HS3ST2: variants seen among roughly 807,000 people sequenced by gnomAD.
HS3ST2 encodes the protein heparan sulfate glucosamine 3-O-sulfotransferase 2.
Under a neutral mutation model 26.3 loss-of-function variants are expected in HS3ST2, and 17 were observed. The observed-to-expected ratio is 0.65, with a 90% CI of 0.44 to 0.97. The LOEUF is 0.97. HS3ST2 is among the 50% of genes least tolerant of loss of function. The pLI, the probability that HS3ST2 is intolerant of heterozygous loss-of-function variation, is 0.00. For missense variants in HS3ST2, 402 were observed against 501.2 expected (o/e 0.80, Z 1.89); for synonymous variants, 237 against 219.2 (o/e 1.08, Z -0.72).
intron 1 of HS3ST2, among the ~76,000 whole-genome samples, chr16:22,863,119 G>C (rs116935209): frequency 1.3e-5 from 2 of 152,160 alleles, no homozygotes; most frequent in East Asian, 3.9e-4. Flanking sequence ...TGGATTTTCT[G>C]GTAGCCTCAC....
At chr16:22,888,532 G>A (rs577443162) in intron 1 of HS3ST2, among the ~76,000 whole-genome samples, 11 of 151,912 alleles carry the variant, frequency 7.2e-5, no homozygotes, top group African/African-American at 2.2e-4. Context: ...GATTACAGGC[G>A]TGTGTCACCA....
rs2141170572 is a variant in HS3ST2, at chr16:22,814,603, A to G, written c.-8A>G. ...AAACCATGACCCCCGGCGCGGGCCC[A>G]TGGAGCCATGGCCTATAGGGTCCTG... On this transcript the variant is annotated 5_prime_UTR_variant, in exon 1 of 2. An upstream start codon of the reference 5' UTR is lost. Coordinates refer to ENST00000261374, the MANE Select transcript of HS3ST2 (RefSeq NM_006043.2). 1.3e-6 allele frequency: 2 copies of G among 1,523,356 alleles called. No homozygotes were observed. Among genetic ancestry groups the G allele is most frequent in the Non-Finnish European group, 8.8e-7 (1 of 1,138,204 alleles). The allele number at this position is 1,523,356 out of a possible 1,614,324, so 94.4% of individuals were successfully genotyped here.
In HS3ST2 at chr16:22,904,980, T is replaced by C. The variant is rs556237773; in HGVS notation, c.486-9964T>C. Among the ~76,000 whole-genome samples, 7 of 151,982 alleles carry C rather than the reference T, an allele frequency of 4.6e-5. No individual in the cohort carries two copies. In the East Asian group the frequency reaches 9.7e-4, roughly 21 times the overall value. ...TGCCACATGGCTCAGTGTGTGGGGG[T>C]TTAGCAGGTTTAGTTTTAAGAACCA... On this transcript the variant is annotated intron_variant, in intron 1 of 1. Coordinates refer to ENST00000261374, the MANE Select transcript of HS3ST2 (RefSeq NM_006043.2).
chr16:22,886,826 T>A (rs1902066361), intron 1 of HS3ST2, among the ~76,000 whole-genome samples: 1 of 152,020 alleles, frequency 6.6e-6, no homozygotes, highest in Non-Finnish European at 1.5e-5. Flanking sequence ...AGTGGTATGA[T>A]CATGATTCAC....
At chr16:22,875,459 C>G (rs1200703629) in intron 1 of HS3ST2, among the ~76,000 whole-genome samples, 1 of 152,114 alleles carries the variant, frequency 6.6e-6, no homozygotes, top group Non-Finnish European at 1.5e-5. Flanking sequence ...CAGCTCACTG[C>G]AACTTCCACC....
chr16:22,898,142 G>A (rs1334555304), intron 1 of HS3ST2, among the ~76,000 whole-genome samples: 1 of 152,174 alleles, frequency 6.6e-6, no homozygotes, highest in Non-Finnish European at 1.5e-5. Flanking sequence ...TCTTTTGCCT[G>A]CCTATGATGG....
intron 1 of HS3ST2, among the ~76,000 whole-genome samples, chr16:22,822,054 G>A (rs1310540900): frequency 3.3e-5 from 5 of 152,136 alleles, no homozygotes; most frequent in Non-Finnish European, 7.3e-5. Context: ...GTCTGCTCTA[G>A]GTGGAGGCTA....
chr16:22,820,523 A>T (rs1030673211), intron 1 of HS3ST2, among the ~76,000 whole-genome samples: 1 of 152,256 alleles, frequency 6.6e-6, no homozygotes, highest in Non-Finnish European at 1.5e-5. Context: ...GGAGAAAGGC[A>T]TGTTTTACAT....
intron 1 of HS3ST2, among the ~76,000 whole-genome samples, chr16:22,846,765 A>G (rs944339599): frequency 1.3e-5 from 2 of 152,162 alleles, no homozygotes; most frequent in African/African-American, 2.4e-5. Flanking sequence ...ACTCCTAGGT[A>G]TGTAACTCAA....
intron 1 of HS3ST2, among the ~76,000 whole-genome samples, chr16:22,856,293 G>A (rs1901592581): frequency 6.6e-6 from 1 of 152,170 alleles, no homozygotes; most frequent in African/African-American, 2.4e-5. Flanking sequence ...GGGTTTTGAG[G>A]AAGGGACACA....
At chr16:22,901,145 A>G (rs1021947988) in intron 1 of HS3ST2, among the ~76,000 whole-genome samples, 2 of 152,242 alleles carry the variant, frequency 1.3e-5, no homozygotes, top group Non-Finnish European at 2.9e-5. Flanking sequence ...TGATCCACAC[A>G]TTGCAGGTGA....
At position 22,893,436 on chromosome 16, in the gene HS3ST2, C is replaced by T. The variant is rs528371973; in HGVS notation, c.486-21508C>T. ...TTCTGTTTCACATTAAAGATGCAGCCTTCCTGATTTCTTAAGATTATCAGC... is the reference window on the plus strand; with the variant it reads ...TTCTGTTTCACATTAAAGATGCAGCTTTCCTGATTTCTTAAGATTATCAGC... On this transcript the variant is annotated intron_variant, in intron 1 of 1. Coordinates refer to ENST00000261374, the MANE Select transcript of HS3ST2 (RefSeq NM_006043.2). 8.5e-5 allele frequency among the ~76,000 whole-genome samples: 13 copies of T among 152,236 alleles called. No homozygotes were observed. The South Asian group carries it at 2.7e-3, about 32-fold the overall frequency.
At chr16:22,903,489 G>A (rs1026450381) in intron 1 of HS3ST2, among the ~76,000 whole-genome samples, 11 of 152,258 alleles carry the variant, frequency 7.2e-5, no homozygotes, top group African/African-American at 2.6e-4. Context: ...TCCAAATCCT[G>A]TACTCATACC....
At chr16:22,826,763 T>C (rs534368810) in intron 1 of HS3ST2, among the ~76,000 whole-genome samples, 10 of 152,298 alleles carry the variant, frequency 6.6e-5, no homozygotes, top group Admixed American at 6.5e-4. Flanking sequence ...CACCTGGTTC[T>C]GAAAGAATAT....
chr16:22,875,154 TA>T (rs1001603720), intron 1 of HS3ST2, among the ~76,000 whole-genome samples: 2 of 151,884 alleles, frequency 1.3e-5, no homozygotes, highest in Non-Finnish European at 2.9e-5. Flanking sequence ...GTTCAAAAAG[TA>T]AAAAATAAAA....
intron 1 of HS3ST2, among the ~76,000 whole-genome samples, chr16:22,846,041 G>A (rs1204056191): frequency 6.6e-6 from 1 of 152,166 alleles, no homozygotes; most frequent in African/African-American, 2.4e-5. Context: ...AGTTTGGGAG[G>A]CCAAGGCAGG....
At chr16:22,847,798 A>AGAGGAGAAG (rs1467353201) in intron 1 of HS3ST2, among the ~76,000 whole-genome samples, 3 of 151,674 alleles carry the variant, frequency 2.0e-5, no homozygotes, top group Non-Finnish European at 4.4e-5. Context: ...AGAATAAGAA[A>AGAGGAGAAG]GAGGAGAAGG....
At chr16:22,817,665 C>A (rs975083449) in intron 1 of HS3ST2, among the ~76,000 whole-genome samples, 32 of 152,200 alleles carry the variant, frequency 2.1e-4, no homozygotes, top group Non-Finnish European at 4.7e-4. Context: ...TGTCAGTTCA[C>A]AGCTTGCCAT....
chr16:22,883,665 G>A (rs1049404896), intron 1 of HS3ST2, among the ~76,000 whole-genome samples: 1 of 152,128 alleles, frequency 6.6e-6, no homozygotes, highest in Non-Finnish European at 1.5e-5. Flanking sequence ...CTTCGGTTGA[G>A]GTTTGAAGTC....
Sources: allele counts gnomAD v4.1 joint callset (sites outside exome capture counted in the v4.1 genomes callset), GRCh38; gene constraint gnomAD v4.1.1; transcripts MANE v1.5; gene names NCBI Gene and HGNC (gene_info 2026-07-23, HGNC 2026-07-21).